Variants in RUNX1 observed in about 807,000 individuals in gnomAD.
RUNX1 encodes runt-related transcription factor 1.
In RUNX1, 19 loss-of-function variants were observed where a neutral mutation model predicts 42.8. That is an observed-to-expected ratio of 0.44 (90% confidence interval 0.31 to 0.65). The LOEUF is 0.65. Ranked by LOEUF, RUNX1 falls within the 30% of genes least tolerant of loss-of-function variation. The pLI, the probability that RUNX1 is intolerant of heterozygous loss-of-function variation, is 0.07. For missense variants in RUNX1, 528 were observed against 672.0 expected (o/e 0.79, Z 2.37); for synonymous variants, 271 against 289.4 (o/e 0.94, Z 0.64).
At chr21:35,017,925 G>C (rs2059171071) in intron 2 of RUNX1, among the ~76,000 whole-genome samples, 1 of 152,168 alleles carries the variant, frequency 6.6e-6, no homozygotes, top group Non-Finnish European at 1.5e-5. Context: ...GGTCCAGCAA[G>C]GGCACCCCAG....
chr21:34,929,630 T>C (rs754825554), intron 2 of RUNX1, among the ~76,000 whole-genome samples: 10 of 152,260 alleles, frequency 6.6e-5, no homozygotes, highest in Non-Finnish European at 1.5e-4. Flanking sequence ...AAAATACCAG[T>C]GAGGAAAATT....
intron 2 of RUNX1, among the ~76,000 whole-genome samples, chr21:34,931,631 A>C (rs1201331533): frequency 7.8e-6 from 1 of 128,980 alleles, no homozygotes; most frequent in East Asian, 2.1e-4. Context: ...GGGATGGCCA[A>C]ATAAGGTTTA....
At position 34,859,590 on chromosome 21, in the gene RUNX1, C is replaced by A. The variant is rs200727741; in HGVS notation, c.509-12G>T. The stretch of plus-strand genomic sequence containing the variant: ...AGTGAAGCTTTTCCCTGTGGGGACA[C>A]GATAGAGAACAAAACAGAATGAGGT... On this transcript the variant is annotated splice_polypyrimidine_tract_variant and intron_variant, in intron 5 of 8. Transcript: ENST00000675419. The A allele has an allele frequency of 6.3e-6, 10 of 1,597,896 alleles. 1 individual carries two copies. The Admixed American group carries it at 1.7e-4, about 27-fold the overall frequency.
At position 34,791,969 on chromosome 21, in the gene RUNX1, C is replaced by T. The variant is rs1168141967; in HGVS notation, c.*166G>A. 4.6e-6 allele frequency: 2 copies of T among 434,808 alleles called. No individual in the cohort carries two copies. The highest frequency in any genetic ancestry group is 8.1e-5 in the Admixed American group (2 of 24,614). The allele number at this position is 434,808 out of a possible 1,614,324, so 26.9% of individuals were successfully genotyped here. A position where few individuals can be genotyped will look rare whatever the true frequency, so the allele number is the denominator to read the frequency against. ...GGGCTTCTGGGCGCAGGAGGCTGCG[C>T]GGGCCTGACCTACAGCGAGATCCTG... On this transcript the variant is annotated 3_prime_UTR_variant, in exon 9 of 9. Transcript: ENST00000675419.
intron 6 of RUNX1, among the ~76,000 whole-genome samples, chr21:34,840,639 C>T (rs2057220614): frequency 6.6e-6 from 1 of 152,082 alleles, no homozygotes; most frequent in African/African-American, 2.4e-5. Context: ...GGAGCCACTG[C>T]CAAGTCTAGC....
chr21:34,840,518 C>G (rs117273686), intron 6 of RUNX1, among the ~76,000 whole-genome samples: 4,138 of 152,330 alleles, frequency 0.027, 67 homozygotes, highest in African/African-American at 0.04. Flanking sequence ...CATCTGCTGC[C>G]ATTATCTACT....
chr21:34,893,026 CTTT>C (rs376929893), intron 2 of RUNX1, 63 bp from the exon 3 acceptor site: 19 of 852,900 alleles, frequency 2.2e-5, no homozygotes, highest in Admixed American at 4.7e-5. Context: ...TTTCCCCCGA[CTTT>C]TTTTTTTTTG....
In RUNX1 at chr21:34,949,095, C is replaced by T. The variant is rs146543918; in HGVS notation, c.59-56132G>A. Reference sequence around the variant, plus strand: ...CTTGCCTGGAGATGTTCATTTATTTCCTTCCCTACCCCATCCCCCCAAACA... The same window carrying T: ...CTTGCCTGGAGATGTTCATTTATTTTCTTCCCTACCCCATCCCCCCAAACA... On this transcript the variant is annotated intron_variant, in intron 2 of 8. Transcript: ENST00000675419. 3.2e-4 allele frequency among the ~76,000 whole-genome samples: 48 copies of T among 152,276 alleles called. 1 individual carries two copies. The East Asian group carries it at 9.1e-3, about 29-fold the overall frequency.
At chr21:34,882,118 A>T (rs2057913847) in intron 4 of RUNX1, among the ~76,000 whole-genome samples, 2 of 152,326 alleles carry the variant, frequency 1.3e-5, no homozygotes, top group South Asian at 4.1e-4. Flanking sequence ...AATAACTGCT[A>T]CATAATTTTT....
chr21:34,852,934 G>A (rs553910244), intron 6 of RUNX1, among the ~76,000 whole-genome samples: 5 of 152,330 alleles, frequency 3.3e-5, no homozygotes, highest in South Asian at 4.1e-4. Context: ...AAAACCATCT[G>A]ACATTTTCAT....
chr21:34,851,359 A>T (rs2057415780), intron 6 of RUNX1, among the ~76,000 whole-genome samples: 1 of 152,204 alleles, frequency 6.6e-6, no homozygotes, highest in Non-Finnish European at 1.5e-5. Flanking sequence ...TATTTTGCTG[A>T]CCATATTTTG....
rs1276359399 is a variant in RUNX1, at chr21:34,923,689, C to CCCTGCTTG, written c.59-30727_59-30726insCAAGCAGG. 4.0e-3 allele frequency among the ~76,000 whole-genome samples: 454 copies of CCCTGCTTG among 114,936 alleles called. 10 individuals carry two copies. Among genetic ancestry groups the CCCTGCTTG allele is most frequent in the African/African-American group, 0.011 (246 of 22,644 alleles). The allele number at this position is 114,936 out of a possible 152,430, so 75.4% of individuals were successfully genotyped here. ...CCATTTCAGTGAACAGCAATTCTGT[C>CCCTGCTTG]AACCATCATTCAAATGCAAAAGCTC... On this transcript the variant is annotated intron_variant, in intron 2 of 8. Coordinates refer to ENST00000675419, the MANE Select transcript of RUNX1 (RefSeq NM_001754.5).
chr21:34,909,019 A>G (rs903057214), intron 2 of RUNX1, among the ~76,000 whole-genome samples: 1 of 152,170 alleles, frequency 6.6e-6, no homozygotes, highest in Non-Finnish European at 1.5e-5. Flanking sequence ...AATGCAATAG[A>G]TTATCCTATA....
chr21:34,979,886 T>C (rs1475133936), intron 2 of RUNX1, among the ~76,000 whole-genome samples: 3 of 152,086 alleles, frequency 2.0e-5, no homozygotes, highest in Non-Finnish European at 2.9e-5. Context: ...TGAGGAGTGC[T>C]GGGTCTGCCA....
chr21:34,993,074 G>A (rs1374606908), intron 2 of RUNX1, among the ~76,000 whole-genome samples: 1 of 152,244 alleles, frequency 6.6e-6, no homozygotes, highest in Non-Finnish European at 1.5e-5. Flanking sequence ...GGAAGCACTC[G>A]TGGAAGGTGC....
At chr21:34,897,289 T>G (rs1425467149) in intron 2 of RUNX1, among the ~76,000 whole-genome samples, 1 of 152,230 alleles carries the variant, frequency 6.6e-6, no homozygotes, top group East Asian at 1.9e-4. Context: ...CTCTGAAGAT[T>G]TCTTACAAAG....
At chr21:35,033,844 A>G (rs1339897683) in intron 2 of RUNX1, among the ~76,000 whole-genome samples, 2 of 152,332 alleles carry the variant, frequency 1.3e-5, no homozygotes, top group Non-Finnish European at 2.9e-5. Context: ...CTAGGAAAAG[A>G]GAAGGAAAAT....
intron 3 of RUNX1, chr21:34,889,749 T>C: frequency 1.7e-6 from 2 of 1,163,394 alleles, no homozygotes; most frequent in Non-Finnish European, 2.1e-6. Flanking sequence ...TTCGCGGAGC[T>C]CGGAGGGCCC....
chr21:34,958,944 G>T (rs7282013), intron 2 of RUNX1, among the ~76,000 whole-genome samples: 6 of 151,498 alleles, frequency 4.0e-5, no homozygotes. Flanking sequence ...GTAAACTATC[G>T]CAAAGACAAA....
Sources: allele counts gnomAD v4.1 joint callset (sites outside exome capture counted in the v4.1 genomes callset), GRCh38; gene constraint gnomAD v4.1.1; transcripts MANE v1.5; gene names NCBI Gene and HGNC (gene_info 2026-07-23, HGNC 2026-07-21).